HRH2: variants seen among roughly 807,000 people sequenced by gnomAD.
The protein encoded by HRH2 is histamine H2 receptor.
In HRH2, 4 loss-of-function variants were observed where a neutral mutation model predicts 20.1. The observed-to-expected ratio is 0.20, with a 90% confidence interval of 0.10 to 0.45. HRH2 has a LOEUF of 0.45. Ranked by LOEUF, HRH2 falls within the 20% of genes least tolerant of loss-of-function variation. The pLI is 0.99. For missense variants in HRH2, 250 were observed against 461.6 expected (o/e 0.54, Z 4.20); for synonymous variants, 197 against 200.7 (o/e 0.98, Z 0.16).
intron 1 of HRH2, among the ~76,000 whole-genome samples, chr5:175,671,337 G>T (rs1755532883): frequency 6.6e-6 from 1 of 152,216 alleles, no homozygotes; most frequent in Non-Finnish European, 1.5e-5. Flanking sequence ...ATATCTTTAA[G>T]GTGACCCAGC....
intron 1 of HRH2, among the ~76,000 whole-genome samples, chr5:175,664,913 C>T (rs1057162220): frequency 6.6e-6 from 1 of 152,222 alleles, no homozygotes; most frequent in Admixed American, 6.5e-5. Flanking sequence ...GCTGGGATTA[C>T]AGGCGTGAGC....
chr5:175,679,036 A>C (rs1755862749), intron 1 of HRH2, among the ~76,000 whole-genome samples: 1 of 152,168 alleles, frequency 6.6e-6, no homozygotes, highest in South Asian at 2.1e-4. Flanking sequence ...AGTTGGGGGC[A>C]GTGAGAGGGA....
chr5:175,670,420 T>A (rs950427922), intron 1 of HRH2, among the ~76,000 whole-genome samples: 1 of 152,224 alleles, frequency 6.6e-6, no homozygotes, highest in Admixed American at 6.5e-5. Context: ...GGCCATTGAT[T>A]CCATCTTTGC....
intron 2 of HRH2, among the ~76,000 whole-genome samples, chr5:175,688,125 C>T (rs1254005802): frequency 6.6e-6 from 1 of 152,250 alleles, no homozygotes; most frequent in African/African-American, 2.4e-5. Flanking sequence ...TCAGCTCTCT[C>T]CCTCTACCTC....
intron 2 of HRH2, among the ~76,000 whole-genome samples, chr5:175,688,111 G>A (rs1013575702): frequency 1.3e-5 from 2 of 152,172 alleles, no homozygotes; most frequent in African/African-American, 2.4e-5. Flanking sequence ...CTGCTCTGCT[G>A]TAGTCAGCTC....
chr5:175,663,664 G>C (rs898364530), intron 1 of HRH2, among the ~76,000 whole-genome samples: 1 of 152,206 alleles, frequency 6.6e-6, no homozygotes, highest in African/African-American at 2.4e-5. Flanking sequence ...GTAGTTGCCA[G>C]TTCCTCTGCC....
At chr5:175,678,588 C>G (rs1484619291) in intron 1 of HRH2, among the ~76,000 whole-genome samples, 1 of 152,270 alleles carries the variant, frequency 6.6e-6, no homozygotes, top group African/African-American at 2.4e-5. Flanking sequence ...CTCACAGTGT[C>G]CGTTCTGTAG....
At position 175,687,280 on chromosome 5, in the gene HRH2, T is replaced by G. The variant is rs988148387; in HGVS notation, c.1076+2971T>G. The stretch of plus-strand genomic sequence containing the variant: ...GGGCCTCGTGTGTCCCTCGATAAGC[T>G]CGGCTGCCAGTTTCCCTGCTGGCTG... On this transcript the variant is annotated intron_variant, in intron 2 of 2. Transcript: ENST00000636584. This position sits in a 1 kb window ranked among gnomAD's most constrained non-coding sequence, Gnocchi z 5.2. Among the ~76,000 whole-genome samples, 1 of 151,802 alleles carries G rather than the reference T, an allele frequency of 6.6e-6. No homozygotes were observed. The highest frequency in any genetic ancestry group is 2.4e-5 in the African/African-American group (1 of 41,298).
intron 2 of HRH2, among the ~76,000 whole-genome samples, chr5:175,705,428 G>A (rs1756914582): frequency 6.6e-6 from 1 of 152,120 alleles, no homozygotes; most frequent in African/African-American, 2.4e-5. Context: ...CAATCCAGAT[G>A]TCCTTCAACA....
Position 175,672,924 on chromosome 5 carries a change from GAGGAGC to G in HRH2, c.-525-9781_-525-9776del, listed in dbSNP as rs1390003006. 3.3e-5 allele frequency among the ~76,000 whole-genome samples: 5 copies of G among 152,322 alleles called. No homozygotes were observed. In the East Asian group the frequency reaches 9.6e-4, roughly 29 times the overall value. On this transcript the variant is annotated intron_variant, in intron 1 of 2. Coordinates refer to ENST00000636584, the MANE Select transcript of HRH2 (RefSeq NM_001367711.1). ...AGCAGGTCACAGACCAAGCTCTGGG[GAGGAGC>G]AGGTGTGTAGTATCCGAGGAATAAG... is the stretch of plus-strand genomic sequence containing the variant.
chr5:175,702,400 T>C (rs952007293), intron 2 of HRH2, among the ~76,000 whole-genome samples: 12 of 152,234 alleles, frequency 7.9e-5, no homozygotes, highest in Admixed American at 3.3e-4. Context: ...TCAGGCTTGG[T>C]TTTTTAAATC....
At chr5:175,706,874 C>G (rs1756956779) in intron 2 of HRH2, among the ~76,000 whole-genome samples, 2 of 152,246 alleles carry the variant, frequency 1.3e-5, no homozygotes, top group Non-Finnish European at 2.9e-5. Flanking sequence ...CCTTCCCTCT[C>G]TCTATGTGGA....
intron 1 of HRH2, among the ~76,000 whole-genome samples, chr5:175,670,345 T>TA (rs201837930): frequency 0.022 from 3,304 of 152,188 alleles, 83 homozygotes; most frequent in Admixed American, 0.077. Context: ...TGTTGCTTCT[T>TA]AAAAAAAATT....
chr5:175,674,222 G>A (rs957932082), intron 1 of HRH2, among the ~76,000 whole-genome samples: 1 of 152,052 alleles, frequency 6.6e-6, no homozygotes, highest in African/African-American at 2.4e-5. Context: ...TCTGCGGCAG[G>A]GGGGGTCTGG....
chr5:175,698,470 C>T (rs1173952095), intron 2 of HRH2, among the ~76,000 whole-genome samples: 1 of 152,160 alleles, frequency 6.6e-6, no homozygotes, highest in African/African-American at 2.4e-5. Flanking sequence ...CACTTGTTCT[C>T]GCTTTATCGT....
At chr5:175,684,704 A>G (rs1477572354) in intron 2 of HRH2, among the ~76,000 whole-genome samples, 1 of 152,150 alleles carries the variant, frequency 6.6e-6, no homozygotes, top group Non-Finnish European at 1.5e-5. Context: ...TCAAGTAACC[A>G]TGTCACCAAT....
rs1392305080 is a variant in HRH2 at position 175,686,082 on chromosome 5, C to T, written c.1076+1773C>T. On this transcript the variant is annotated intron_variant, in intron 2 of 2. Coordinates refer to ENST00000636584, the MANE Select transcript of HRH2 (RefSeq NM_001367711.1). This position sits in a 1 kb window ranked among gnomAD's most constrained non-coding sequence, Gnocchi z 4.7. ...CCCTGGACCCTGCCCCTCAAATCCA[C>T]CCTCCAAGTGCACACCTGGAAACTT... 6.6e-6 allele frequency: 1 copy of T among 152,490 alleles called. No individual in the cohort carries two copies. The highest frequency in any genetic ancestry group is 1.5e-5 in the Non-Finnish European group (1 of 68,224). The allele number at this position is 152,490 out of a possible 1,614,324, so 9.4% of individuals were successfully genotyped here.
At chr5:175,670,127 G>A (rs550466478) in intron 1 of HRH2, among the ~76,000 whole-genome samples, 1 of 152,288 alleles carries the variant, frequency 6.6e-6, no homozygotes, top group African/African-American at 2.4e-5. Context: ...GGGGACAGGT[G>A]GGAACGAGGG....
intron 2 of HRH2, among the ~76,000 whole-genome samples, chr5:175,701,816 T>C (rs577101742): frequency 1.8e-4 from 27 of 152,244 alleles, no homozygotes; most frequent in African/African-American, 6.5e-4. Flanking sequence ...AAACGAGGTG[T>C]TTCTCACAAA....
Sources: allele counts gnomAD v4.1 joint callset (sites outside exome capture counted in the v4.1 genomes callset), GRCh38; gene constraint gnomAD v4.1.1; non-coding constraint Gnocchi (gnomAD v3.1); transcripts MANE v1.5; gene names NCBI Gene and HGNC (gene_info 2026-07-23, HGNC 2026-07-21).